Variants in DSCAML1 observed in about 807,000 individuals in gnomAD.
DSCAML1 encodes the protein cell adhesion molecule DSCAML1.
Under a neutral mutation model 200.5 loss-of-function variants are expected in DSCAML1, and 38 were observed. That is an observed-to-expected ratio of 0.19 (90% CI 0.15 to 0.25). DSCAML1 has a LOEUF of 0.25. Ranked by LOEUF, DSCAML1 falls within the 10% of genes least tolerant of loss-of-function variation. The pLI is 1.00. For missense variants in DSCAML1, 2,223 were observed against 2,858.8 expected (o/e 0.78, Z 5.07); for synonymous variants, 1,215 against 1,165.0 (o/e 1.04, Z -0.87).
chr11:117,716,773 A>T (rs911631712), intron 3 of DSCAML1, among the ~76,000 whole-genome samples: 1 of 152,244 alleles, frequency 6.6e-6, no homozygotes, highest in Non-Finnish European at 1.5e-5. Flanking sequence ...CATGAAATTC[A>T]AATTTCGGTG....
intron 11 of DSCAML1, among the ~76,000 whole-genome samples, chr11:117,490,713 G>A (rs567745336): frequency 6.6e-6 from 1 of 152,268 alleles, no homozygotes; most frequent in South Asian, 2.1e-4. Context: ...CAGCTGGTGA[G>A]TGGCAGGAAG....
rs375428721 is a variant in DSCAML1 at position 117,433,430 on chromosome 11, G to A, written c.4907+11C>T. ...AAGGGAGGAGAAAGGAAGCAGCTTG[G>A]TGATACCCACCTTATCAACATTTCT... On this transcript the variant is annotated intron_variant, in intron 28 of 32. Transcript: ENST00000651296. The A allele has an allele frequency of 9.3e-6, 15 of 1,613,240 alleles. No homozygotes were observed. The highest frequency in any genetic ancestry group is 3.3e-5 in the Admixed American group (2 of 59,974).
At chr11:117,734,206 C>T (rs1344621607) in intron 3 of DSCAML1, among the ~76,000 whole-genome samples, 1 of 152,226 alleles carries the variant, frequency 6.6e-6, no homozygotes, top group Non-Finnish European at 1.5e-5. Context: ...AGTTACTGCC[C>T]AGTGACCTCA....
rs3863312 is a variant in DSCAML1, at chr11:117,437,567, G to A, written c.4433-158C>T. Among the ~76,000 whole-genome samples the A allele has an allele frequency of 3.1e-3, 472 of 152,232 alleles. 4 individuals carry two copies. The highest frequency in any genetic ancestry group is 0.01 in the African/African-American group (434 of 41,528). Reference sequence around the variant, plus strand: ...AGATGGGGTGGGGAAGCCCCAGGGCGCAGAGGAGGAAGAGGAGGGGAGGGA... The same window carrying A: ...AGATGGGGTGGGGAAGCCCCAGGGCACAGAGGAGGAAGAGGAGGGGAGGGA... On this transcript the variant is annotated intron_variant, in intron 25 of 32. Coordinates refer to ENST00000651296, the MANE Select transcript of DSCAML1 (RefSeq NM_020693.4). The surrounding 1 kb of genome is among the most constrained non-coding windows in gnomAD (Gnocchi z 5.3).
chr11:117,479,374 T>C (rs544141001), intron 14 of DSCAML1, among the ~76,000 whole-genome samples: 1 of 152,344 alleles, frequency 6.6e-6, no homozygotes, highest in African/African-American at 2.4e-5. Context: ...AATTTGTAAT[T>C]ATTTTGAGGA....
At chr11:117,724,112 A>G (rs938253920) in intron 3 of DSCAML1, among the ~76,000 whole-genome samples, 4 of 151,908 alleles carry the variant, frequency 2.6e-5, no homozygotes, top group Non-Finnish European at 5.9e-5. Flanking sequence ...GGCCATCACA[A>G]CATTTTTCCC....
chr11:117,749,617 G>A (rs2054572602), intron 3 of DSCAML1, among the ~76,000 whole-genome samples: 1 of 152,252 alleles, frequency 6.6e-6, no homozygotes, highest in South Asian at 2.1e-4. Flanking sequence ...GAGGCAGTGG[G>A]TGATCTGGAT....
chr11:117,672,100 C>CAAAAAAAAAA (rs2053120311), intron 3 of DSCAML1, among the ~76,000 whole-genome samples: 1 of 23,982 alleles, frequency 4.2e-5, no homozygotes, highest in African/African-American at 1.3e-4. Context: ...GACTCCAGCT[C>CAAAAAAAAAA]AGAAAAAAAA....
Position 117,676,992 on chromosome 11 carries a change from G to A in DSCAML1, c.511+99799C>T, listed in dbSNP as rs148313590. Among the ~76,000 whole-genome samples the A allele has an allele frequency of 2.3e-3, 355 of 152,190 alleles. 1 individual carries two copies. Among genetic ancestry groups the A allele is most frequent in the African/African-American group, 7.8e-3 (325 of 41,554 alleles). On this transcript the variant is annotated intron_variant, in intron 3 of 32. Coordinates refer to ENST00000651296, the MANE Select transcript of DSCAML1 (RefSeq NM_020693.4). The stretch of plus-strand genomic sequence containing the variant: ...CACTGGGAGGGGAGCCAGGAGGCCC[G>A]GAGACCCCTGATCAGTGATGGACTT...
Position 117,516,672 on chromosome 11 carries a change from G to A in DSCAML1, c.1578C>T (p.Cys526=), listed in dbSNP as rs544235827. 2.0e-5 allele frequency: 33 copies of A among 1,614,112 alleles called. No individual in the cohort carries two copies. The South Asian group carries it at 3.3e-4, about 16-fold the overall frequency. ...AGTAGTAGGGATAGCCGATGACCCTGCAGTTGATAAGGGTGTCCCGCCCGG... is the reference window on the plus strand; with the variant it reads ...AGTAGTAGGGATAGCCGATGACCCTACAGTTGATAAGGGTGTCCCGCCCGG... ...AVAGRDTLIN[C]RVIGYPYYSI... Residue 526 remains cysteine, a synonymous_variant, in exon 8 of 33, where the codon TGC becomes TGT. Coordinates refer to ENST00000651296, the MANE Select transcript of DSCAML1 (RefSeq NM_020693.4). This position sits in a 1 kb window ranked among gnomAD's most constrained non-coding sequence, Gnocchi z 5.7.
intron 11 of DSCAML1, among the ~76,000 whole-genome samples, chr11:117,483,625 T>C (rs956195395): frequency 1.3e-5 from 2 of 152,188 alleles, no homozygotes; most frequent in Non-Finnish European, 2.9e-5. Flanking sequence ...GCACGGCCCC[T>C]GACCCAGCAA....
chr11:117,526,470 ATTTTTC>A (rs2049980701), intron 4 of DSCAML1, among the ~76,000 whole-genome samples: 1 of 151,674 alleles, frequency 6.6e-6, no homozygotes, highest in Non-Finnish European at 1.5e-5. Flanking sequence ...ACTCCCACAG[ATTTTTC>A]TTTTTCTTTC....
chr11:117,561,906 C>T (rs2137416632), intron 3 of DSCAML1, among the ~76,000 whole-genome samples: 1 of 152,348 alleles, frequency 6.6e-6, no homozygotes, highest in South Asian at 2.1e-4. Context: ...TCCACAATGC[C>T]TGGCACCAAT....
At chr11:117,616,113 T>C (rs2051806082) in intron 3 of DSCAML1, among the ~76,000 whole-genome samples, 1 of 152,200 alleles carries the variant, frequency 6.6e-6, no homozygotes. Flanking sequence ...CTTGGGGTCA[T>C]CATCAGTCCG....
chr11:117,565,237 A>G (rs2050735834), intron 3 of DSCAML1, among the ~76,000 whole-genome samples: 1 of 152,230 alleles, frequency 6.6e-6, no homozygotes, highest in Admixed American at 6.5e-5. Context: ...TGATAATTTA[A>G]TACATTCATA....
intron 3 of DSCAML1, among the ~76,000 whole-genome samples, chr11:117,659,247 C>T (rs2052795060): frequency 6.6e-6 from 1 of 152,198 alleles, no homozygotes; most frequent in South Asian, 2.1e-4. Flanking sequence ...GAAGAAGCTC[C>T]CTGGCTGTGA....
At chr11:117,621,978 T>A (rs74335840) in intron 3 of DSCAML1, among the ~76,000 whole-genome samples, 2,367 of 152,310 alleles carry the variant, frequency 0.016, 28 homozygotes, top group East Asian at 0.055. Flanking sequence ...AAATATTATT[T>A]TAATATTTAC....
At position 117,437,503 on chromosome 11, in the gene DSCAML1, TG is replaced by T. The variant is rs1156608939; in HGVS notation, c.4433-95del. ...CTGGAAAGGATTTCCCTGGGGCAGC[TG>T]GGATGGCAGTGGCTCCAGGAGAATA... On this transcript the variant is annotated intron_variant, in intron 25 of 32. Transcript: ENST00000651296. This position sits in a 1 kb window ranked among gnomAD's most constrained non-coding sequence, Gnocchi z 5.3. 1 of 1,433,202 alleles carries T rather than the reference TG, an allele frequency of 7.0e-7. No homozygotes were observed. The highest frequency in any genetic ancestry group is 9.5e-7 in the Non-Finnish European group (1 of 1,050,088). 88.8% of individuals were successfully genotyped at this position (1,433,202 alleles called of 1,614,324 possible). A position where few individuals can be genotyped will look rare whatever the true frequency, so the allele number is the denominator to read the frequency against.
chr11:117,483,539 AG>A (rs2048973555), intron 11 of DSCAML1, among the ~76,000 whole-genome samples: 2 of 152,202 alleles, frequency 1.3e-5, no homozygotes, highest in African/African-American at 4.8e-5. Flanking sequence ...GATCTCAGGG[AG>A]TTTCACTCTA....
Sources: gnomAD v4.1 joint callset for allele counts (sites outside exome capture counted in the v4.1 genomes callset) on GRCh38, gnomAD v4.1.1 for gene constraint, Gnocchi (gnomAD v3.1) non-coding constraint, MANE v1.5 for transcripts, NCBI Gene and HGNC (gene_info 2026-07-23, HGNC 2026-07-21) for gene names.